Variants in CCSER1 observed in about 807,000 individuals in gnomAD.
CCSER1 encodes the protein serine-rich coiled-coil domain-containing protein 1.
A neutral mutation model predicts 82.0 loss-of-function variants in CCSER1; 41 were observed. That is an observed-to-expected ratio of 0.50 (90% CI 0.39 to 0.65). CCSER1 has a LOEUF of 0.65. Ranked by LOEUF, CCSER1 falls within the 30% of genes least tolerant of loss-of-function variation. The pLI, the probability that CCSER1 is intolerant of heterozygous loss-of-function variation, is 0.00. For missense variants in CCSER1, 1,119 were observed against 1,064.2 expected, an observed-to-expected ratio of 1.05 and a Z score of -0.72; for synonymous variants, 414 against 383.9, an observed-to-expected ratio of 1.08 and a Z score of -0.92.
chr4:90,952,410 A>C (rs72882879), intron 9 of CCSER1, among the ~76,000 whole-genome samples: 4,045 of 152,080 alleles, frequency 0.027, 117 homozygotes, highest in African/African-American at 0.076. Flanking sequence ...TATGCTACTT[A>C]ATATCCCACA....
chr4:90,928,780 T>A (rs890258291), intron 9 of CCSER1, among the ~76,000 whole-genome samples: 8 of 152,052 alleles, frequency 5.3e-5, no homozygotes. Context: ...GTCCCTTCAG[T>A]CAGTAAGAAC....
chr4:90,208,601 G>T (rs1739373646), intron 1 of CCSER1, among the ~76,000 whole-genome samples: 1 of 152,050 alleles, frequency 6.6e-6, no homozygotes, highest in South Asian at 2.1e-4. Flanking sequence ...CGGCCACCCA[G>T]TTTTATGCTT....
chr4:91,151,636 C>G (rs1196074598), intron 10 of CCSER1, among the ~76,000 whole-genome samples: 1 of 152,210 alleles, frequency 6.6e-6, no homozygotes, highest in Non-Finnish European at 1.5e-5. Context: ...CCTCTACACA[C>G]TGCTTTAACT....
chr4:91,119,932 T>C (rs1225050339), intron 10 of CCSER1, among the ~76,000 whole-genome samples: 1 of 151,974 alleles, frequency 6.6e-6, no homozygotes, highest in East Asian at 1.9e-4. Context: ...TTTGGAAAAG[T>C]GGAGGGTTTA....
chr4:91,389,165 A>T (rs528328574), intron 10 of CCSER1, among the ~76,000 whole-genome samples: 1 of 152,152 alleles, frequency 6.6e-6, no homozygotes, highest in South Asian at 2.1e-4. Context: ...TTTTGTCCTC[A>T]GTCATCTTCT....
chr4:90,233,742 T>C (rs868260913), intron 1 of CCSER1, among the ~76,000 whole-genome samples: 1 of 151,712 alleles, frequency 6.6e-6, no homozygotes, highest in Non-Finnish European at 1.5e-5. Context: ...GAGAAAATTA[T>C]TATAGAAAAA....
chr4:91,365,572 T>G (rs999031262), intron 10 of CCSER1, among the ~76,000 whole-genome samples: 25 of 152,184 alleles, frequency 1.6e-4, no homozygotes, highest in Admixed American at 1.6e-3. Context: ...ACTCATAATG[T>G]GTACATTTAT....
intron 10 of CCSER1, among the ~76,000 whole-genome samples, chr4:91,510,208 G>C (rs922901187): frequency 6.6e-6 from 1 of 152,164 alleles, no homozygotes; most frequent in African/African-American, 2.4e-5. Flanking sequence ...TGGCTATGTA[G>C]TATTCCATGG....
At chr4:90,282,469 A>T (rs1578941906) in intron 1 of CCSER1, among the ~76,000 whole-genome samples, 1 of 151,008 alleles carries the variant, frequency 6.6e-6, no homozygotes, top group African/African-American at 2.4e-5. Context: ...TATTATTGTT[A>T]TTGTTGCTGT....
chr4:91,352,224 T>C (rs919607789), intron 10 of CCSER1, among the ~76,000 whole-genome samples: 2 of 152,212 alleles, frequency 1.3e-5, no homozygotes, highest in Non-Finnish European at 2.9e-5. Context: ...CATTGTATAA[T>C]AGGCTTAGGA....
chr4:91,123,617 A>G (rs1727271354), intron 10 of CCSER1, among the ~76,000 whole-genome samples: 1 of 151,618 alleles, frequency 6.6e-6, no homozygotes, highest in South Asian at 2.1e-4. Context: ...AAATTGCTTA[A>G]CCTCTCAGTG....
At chr4:91,149,960 A>C (rs989396099) in intron 10 of CCSER1, among the ~76,000 whole-genome samples, 1 of 152,096 alleles carries the variant, frequency 6.6e-6, no homozygotes, top group African/African-American at 2.4e-5. Context: ...TTGGCAATGC[A>C]GGCTTTTTTT....
At chr4:91,277,656 A>G (rs1742588554) in intron 10 of CCSER1, among the ~76,000 whole-genome samples, 1 of 142,058 alleles carries the variant, frequency 7.0e-6, no homozygotes, top group Non-Finnish European at 1.5e-5. Context: ...GATCCTTTAT[A>G]TATATTTTTT....
chr4:90,928,303 C>T (rs992980188), intron 9 of CCSER1, among the ~76,000 whole-genome samples: 1 of 151,886 alleles, frequency 6.6e-6, no homozygotes, highest in African/African-American at 2.4e-5. Context: ...GATTATCTGC[C>T]ACGGGTGCTT....
intron 7 of CCSER1, among the ~76,000 whole-genome samples, chr4:90,766,037 G>GA (rs11432059): frequency 0.015 from 2,272 of 151,562 alleles, 65 homozygotes; most frequent in African/African-American, 0.052. Context: ...GGCATTGTAG[G>GA]AAAAAAAAGG....
intron 5 of CCSER1, among the ~76,000 whole-genome samples, chr4:90,474,071 G>A (rs1467914103): frequency 6.6e-6 from 1 of 151,676 alleles, no homozygotes; most frequent in Admixed American, 6.6e-5. Flanking sequence ...AACCTGGGAG[G>A]TGGAGGTTGC....
intron 10 of CCSER1, among the ~76,000 whole-genome samples, chr4:91,455,422 A>T (rs1481307573): frequency 6.6e-6 from 1 of 151,946 alleles, no homozygotes; most frequent in Admixed American, 6.6e-5. Flanking sequence ...CAGGAATAGG[A>T]TTGAGATTAG....
chr4:90,306,679 A>G (rs1186944851), intron 1 of CCSER1, among the ~76,000 whole-genome samples: 1 of 152,204 alleles, frequency 6.6e-6, no homozygotes, highest in Non-Finnish European at 1.5e-5. Context: ...ATCAGTTCTC[A>G]TATTTATCAG....
intron 8 of CCSER1, among the ~76,000 whole-genome samples, chr4:90,868,834 G>C (rs530833586): frequency 3.3e-5 from 5 of 152,004 alleles, no homozygotes; most frequent in African/African-American, 9.6e-5. Flanking sequence ...AGTGTACGAG[G>C]GTTCCCTTTT....
Sources: allele counts gnomAD v4.1 joint callset (sites outside exome capture counted in the v4.1 genomes callset), GRCh38; gene constraint gnomAD v4.1.1; transcripts MANE v1.5; gene names NCBI Gene and HGNC (gene_info 2026-07-23, HGNC 2026-07-21).